Variants in COG3 observed in about 807,000 individuals in gnomAD.
COG3 encodes the protein conserved oligomeric Golgi complex subunit 3.
Under a neutral mutation model 114.1 loss-of-function variants are expected in COG3, and 32 were observed. The ratio of observed to expected loss-of-function variants is 0.28; its 90% CI spans 0.21 to 0.38. The LOEUF is 0.38. COG3 is among the 10% of genes least tolerant of loss of function. The probability of loss-of-function intolerance (pLI) is 1.00; values close to 1 mark genes in which losing one functional copy is unlikely to be tolerated. For missense variants in COG3, 813 were observed against 973.2 expected, an observed-to-expected ratio of 0.84 and a Z score of 2.19; for synonymous variants, 352 against 365.7, an observed-to-expected ratio of 0.96 and a Z score of 0.43.
Position 45,518,763 on chromosome 13 carries a change from T to C in COG3, c.1932T>C (p.Asp644=), listed in dbSNP as rs745974743. The C allele has an allele frequency of 5.0e-6, 8 of 1,610,806 alleles. No individual in the cohort carries two copies. Among genetic ancestry groups the C allele is most frequent in the Non-Finnish European group, 6.8e-6 (8 of 1,178,422 alleles). ...TGGATGAGTAATTTTGTTTCACAGA[T>C]GCAGCATTTAAAATCCTGAACCCTA... The part of the protein sequence containing the change: ...EISLDLKKTR[D]AAFKILNPMT... Residue 644 remains aspartate (D), a splice_region_variant and synonymous_variant, in exon 18 of 23, where the codon GAT becomes GAC. Coordinates refer to ENST00000349995, the MANE Select transcript of COG3 (RefSeq NM_031431.4).
rs1471017275 is a variant in COG3, at chr13:45,496,270, T to G, written c.1446T>G (p.Ala482=). The change falls in exon 13 of 23, where the codon GCT becomes GCG. Residue 482 remains alanine, a synonymous_variant. Coordinates refer to ENST00000349995, the MANE Select transcript of COG3 (RefSeq NM_031431.4). ...CGGACATCACGGGCTATAAACCAGC[T>G]CCTGGAGATCTGGCATATCCCGATA... ...IQTDITGYKP[A]PGDLAYPDKL... 5.6e-6 allele frequency: 9 copies of G among 1,609,704 alleles called. No homozygotes were observed. Among genetic ancestry groups the G allele is most frequent in the Non-Finnish European group, 5.1e-6 (6 of 1,177,476 alleles).
intron 8 of COG3, among the ~76,000 whole-genome samples, chr13:45,486,980 G>A (rs917947607): frequency 8.5e-5 from 13 of 152,286 alleles, no homozygotes; most frequent in South Asian, 2.1e-4. Context: ...GATGTTACAT[G>A]TCGTGCTAAT....
chr13:45,509,906 G>C, intron 15 of COG3, 90 bp downstream of exon 15: 1 of 1,291,324 alleles, frequency 7.7e-7, no homozygotes, highest in Non-Finnish European at 1.1e-6. Flanking sequence ...TATTTTGTTG[G>C]ATATTCTTAA....
chr13:45,486,368 G>A (rs1345695966), intron 7 of COG3, 127 bp from the exon 8 acceptor site: 1 of 655,384 alleles, frequency 1.5e-6, no homozygotes, highest in Non-Finnish European at 2.8e-6. Flanking sequence ...GGGAGAGGGA[G>A]ACTCTCCCTA....
chr13:45,530,871 G>T, intron 22 of COG3, 91 bp downstream of exon 22: 3 of 1,376,950 alleles, frequency 2.2e-6, no homozygotes, highest in East Asian at 2.6e-5. Context: ...CATATTTTTA[G>T]TATTAATTTA....
chr13:45,503,347 C>G lies in COG3; in HGVS notation c.1592C>G (p.Ser531Cys). The G allele has an allele frequency of 6.6e-7, 1 of 1,517,176 alleles. No individual in the cohort carries two copies. Among genetic ancestry groups the G allele is most frequent in the Non-Finnish European group, 9.2e-7 (1 of 1,091,976 alleles). The allele number at this position is 1,517,176 out of a possible 1,614,324, so 94.0% of individuals were successfully genotyped here. ...GGAGAGTCTAACAGTCTGACAAAAT[C>G]TGGTATGTTATGATGTCTTAACTGC... ...EEGESNSLTK[S>C]GSTESLNPRP... The change falls in exon 14 of 23, where the codon TCT becomes TGT. Residue 531 changes from serine to cysteine, a missense_variant and splice_region_variant. Around this residue, in one of 2 missense-constraint regions of COG3, gnomAD observed 389 missense variants for 542.6 expected, o/e 0.72. Transcript: ENST00000349995.
intron 13 of COG3, among the ~76,000 whole-genome samples, chr13:45,499,420 A>T (rs1431076475): frequency 6.6e-6 from 1 of 152,218 alleles, no homozygotes; most frequent in Non-Finnish European, 1.5e-5. Context: ...CTAAATATAG[A>T]TCTGCAGATT....
At chr13:45,508,481 T>C (rs906212226) in intron 14 of COG3, among the ~76,000 whole-genome samples, 1 of 151,010 alleles carries the variant, frequency 6.6e-6, no homozygotes, top group African/African-American at 2.4e-5. Context: ...TTGGGGTGTG[T>C]GTGTAAATAT....
chr13:45,482,431 G>C lies in COG3; in HGVS notation c.675G>C (p.Met225Ile), dbSNP rs1181943063. 6.3e-7 allele frequency: 1 copy of C among 1,577,002 alleles called. No individual in the cohort carries two copies. Among genetic ancestry groups the C allele is most frequent in the Non-Finnish European group, 8.7e-7 (1 of 1,150,652 alleles). Residue 225 changes from methionine to isoleucine, a missense_variant, in exon 6 of 23, where the codon ATG (methionine) becomes ATC (isoleucine). By Grantham distance (10) the Met-to-Ile change is conservative. This residue lies in a region of COG3 where 424 missense variants were observed against 430.6 expected (regional missense o/e 0.98). Transcript: ENST00000349995. Reference sequence around the variant, plus strand: ...TGAATAGTGACGGATTTATACCTATGCTGGCCAAGTTAGATGATTGTATAA... The same window carrying C: ...TGAATAGTGACGGATTTATACCTATCCTGGCCAAGTTAGATGATTGTATAA... Reference protein sequence around the residue: ...LSVNSDGFIPMLAKLDDCITY... With the variant: ...LSVNSDGFIPILAKLDDCITY...
chr13:45,479,306 T>G (rs1886104471), intron 3 of COG3, among the ~76,000 whole-genome samples: 1 of 152,180 alleles, frequency 6.6e-6, no homozygotes, highest in South Asian at 2.1e-4. Flanking sequence ...TAGATGTTAG[T>G]TTTTAGATAG....
chr13:45,498,339 A>G (rs1593711410), intron 13 of COG3, among the ~76,000 whole-genome samples: 1 of 142,468 alleles, frequency 7.0e-6, no homozygotes, highest in Admixed American at 7.1e-5. Flanking sequence ...AAATTTCCCC[A>G]TTTGTCCTTC....
Position 45,534,821 on chromosome 13 carries a change from G to A in COG3, c.*90G>A. 3 of 1,429,070 alleles carry A rather than the reference G, an allele frequency of 2.1e-6. No homozygotes were observed. Among genetic ancestry groups the A allele is most frequent in the Non-Finnish European group, 2.7e-6 (3 of 1,091,342 alleles). 88.5% of individuals were successfully genotyped at this position (1,429,070 alleles called of 1,614,324 possible). ...TCTGCAGGACACCGAGGAATCGTAT[G>A]TGGGAACGTCCCCGAGAACCACACG... On this transcript the variant is annotated 3_prime_UTR_variant, in exon 23 of 23. Transcript: ENST00000349995.
At chr13:45,467,614 A>G (rs1885229366) in intron 1 of COG3, among the ~76,000 whole-genome samples, 1 of 152,180 alleles carries the variant, frequency 6.6e-6, no homozygotes, top group South Asian at 2.1e-4. Flanking sequence ...GCAGTAGCCG[A>G]GCTGGTTATG....
intron 16 of COG3, 156 bp downstream of exon 16, chr13:45,512,010 T>G: frequency 1.6e-6 from 1 of 619,250 alleles, no homozygotes; most frequent in East Asian, 2.8e-5. Flanking sequence ...GTTATTTCAT[T>G]ATAGTGCTAA....
intron 7 of COG3, among the ~76,000 whole-genome samples, chr13:45,485,234 A>ACC (rs1305681871): frequency 1.8e-5 from 1 of 56,544 alleles, no homozygotes. Context: ...AGGGGGGCTG[A>ACC]CCCCCCCCAC....
Position 45,534,832 on chromosome 13 carries a change from C to A in COG3, c.*101C>A. ...CCGAGGAATCGTATGTGGGAACGTC[C>A]CCGAGAACCACACGAGCGTGCTGCT... On this transcript the variant is annotated 3_prime_UTR_variant, in exon 23 of 23. Transcript: ENST00000349995. 5 of 1,370,360 alleles carry A rather than the reference C, an allele frequency of 3.6e-6. No homozygotes were observed. The highest frequency in any genetic ancestry group is 4.7e-6 in the Non-Finnish European group (5 of 1,060,376). The allele number at this position is 1,370,360 out of a possible 1,614,324, so 84.9% of individuals were successfully genotyped here.
intron 20 of COG3, among the ~76,000 whole-genome samples, chr13:45,525,675 A>C (rs1047325062): frequency 6.3e-5 from 7 of 111,304 alleles, no homozygotes; most frequent in African/African-American, 2.5e-4. Context: ...TAGACATTTA[A>C]AATCATGACT....
In COG3 at chr13:45,464,965, G is replaced by A; in HGVS notation, c.-72G>A. 6.7e-7 allele frequency: 1 copy of A among 1,493,100 alleles called. No homozygotes were observed. The highest frequency in any genetic ancestry group is 2.3e-5 in the Admixed American group (1 of 43,734). The allele number at this position is 1,493,100 out of a possible 1,614,324, so 92.5% of individuals were successfully genotyped here. ...CAGTGTTGGAAGCTCCGGTTCTCCC[G>A]GAAGTGGCCCAGGTCTCTCTGTCGG... On this transcript the variant is annotated 5_prime_UTR_variant, in exon 1 of 23. Coordinates refer to ENST00000349995, the MANE Select transcript of COG3 (RefSeq NM_031431.4).
Position 45,516,161 on chromosome 13 carries a change from CT to C in COG3, c.1832del (p.Phe611SerfsTer2). The C allele has an allele frequency of 6.4e-7, 1 of 1,574,008 alleles. No homozygotes were observed. Among genetic ancestry groups the C allele is most frequent in the South Asian group, 1.2e-5 (1 of 84,488 alleles). ...AATTTAGACTCAGATTGATGGACAA[CT>C]TTTCTTAATTAAGCACCTTTTGATA... ...SKNKTQIDGQ[L>X]FLIKHLLILR... On this transcript the variant is annotated frameshift_variant, in exon 17 of 23. Transcript: ENST00000349995. LOFTEE classifies it high-confidence loss of function.
Sources: gnomAD v4.1 joint callset for allele counts (sites outside exome capture counted in the v4.1 genomes callset) on GRCh38, gnomAD v4.1.1 for gene constraint, gnomAD v4.1.1 regional missense constraint, MANE v1.5 for transcripts, NCBI Gene and HGNC (gene_info 2026-07-23, HGNC 2026-07-21) for gene names.